The following RLBP1 variants were observed in gnomAD, a reference collection of about 807,000 sequenced individuals.
RLBP1 encodes retinaldehyde-binding protein 1.
Under a neutral mutation model 36.2 loss-of-function variants are expected in RLBP1, and 26 were observed. The observed-to-expected ratio is 0.72, with a 90% CI of 0.53 to 1.00. The LOEUF (loss-of-function observed/expected upper bound fraction) is 1.00, where lower values mean the gene tolerates loss of function less well. Ranked by LOEUF, RLBP1 falls within the 50% of genes least tolerant of loss-of-function variation. The probability of loss-of-function intolerance (pLI) is 0.00; values close to 1 mark genes in which losing one functional copy is unlikely to be tolerated. For missense variants in RLBP1, 410 were observed against 402.4 expected, an observed-to-expected ratio of 1.02 and a Z score of -0.16; for synonymous variants, 155 against 156.2, an observed-to-expected ratio of 0.99 and a Z score of 0.06.
At chr15:89,217,948 A>T (rs1334204999) in intron 4 of RLBP1, among the ~76,000 whole-genome samples, 2 of 152,178 alleles carry the variant, frequency 1.3e-5, no homozygotes, top group Admixed American at 6.5e-5. Flanking sequence ...GGGAAGGGAA[A>T]GGAGGGGGAG....
Position 89,210,626 on chromosome 15 carries a change from G to T in RLBP1, c.795+73C>A. ...CCACATAGCTCAGGACCATGGTAGA[G>T]TGTGAGGAGGGCTCAGGTGAGGCCC... On this transcript the variant is annotated intron_variant, in intron 8 of 8. Transcript: ENST00000268125. The surrounding 1 kb of genome is among the most constrained non-coding windows in gnomAD (Gnocchi z 4.7). The T allele has an allele frequency of 7.8e-7, 1 of 1,278,972 alleles. No homozygotes were observed. The highest frequency in any genetic ancestry group is 1.1e-6 in the Non-Finnish European group (1 of 896,336). 79.2% of individuals were successfully genotyped at this position (1,278,972 alleles called of 1,614,324 possible). A position where few individuals can be genotyped will look rare whatever the true frequency, so the allele number is the denominator to read the frequency against.
In RLBP1 at chr15:89,210,273, C is replaced by A; in HGVS notation, c.*12G>T. 1 of 1,613,800 alleles carries A rather than the reference C, an allele frequency of 6.2e-7. No homozygotes were observed. The highest frequency in any genetic ancestry group is 8.5e-7 in the Non-Finnish European group (1 of 1,180,000). On this transcript the variant is annotated 3_prime_UTR_variant, in exon 9 of 9. Coordinates refer to ENST00000268125, the MANE Select transcript of RLBP1 (RefSeq NM_000326.5). The surrounding 1 kb of genome is among the most constrained non-coding windows in gnomAD (Gnocchi z 4.7). Reference sequence around the variant, plus strand: ...GAGATTCTAACTACAGTTCAGCTGGCAGGAGATGTTTTCAGAAGGCTGTGT... The same window carrying A: ...GAGATTCTAACTACAGTTCAGCTGGAAGGAGATGTTTTCAGAAGGCTGTGT...
At position 89,215,118 on chromosome 15, in the gene RLBP1, C is replaced by T. The variant is rs770766081; in HGVS notation, c.467G>A (p.Arg156Gln). Reference sequence around the variant, plus strand: ...CTCAATGTTGAAGAGCATGACCACTCGGCCATACTTGTCCCGACTAGAGAG... The same window carrying T: ...CTCAATGTTGAAGAGCATGACCACTTGGCCATACTTGTCCCGACTAGAGAG... The part of the protein sequence containing the change: ...GVLSSRDKYG[R>Q]VVMLFNIENW... Residue 156 changes from arginine to glutamine, a missense_variant, in exon 6 of 9, where the codon CGA (arginine) becomes CAA (glutamine). Arg to Gln is a conservative substitution (Grantham distance 43). Coordinates refer to ENST00000268125, the MANE Select transcript of RLBP1 (RefSeq NM_000326.5). 15 of 1,614,104 alleles carry T rather than the reference C, an allele frequency of 9.3e-6. No individual in the cohort carries two copies. The highest frequency in any genetic ancestry group is 4.2e-6 in the Non-Finnish European group (5 of 1,180,040).
rs76261907 is a variant in RLBP1 at position 89,210,488 on chromosome 15, C to A, written c.796-45G>T. 3 of 1,609,794 alleles carry A rather than the reference C, an allele frequency of 1.9e-6. No individual in the cohort carries two copies. The highest frequency in any genetic ancestry group is 2.7e-5 in the African/African-American group (2 of 74,790). On this transcript the variant is annotated intron_variant, in intron 8 of 8. Coordinates refer to ENST00000268125, the MANE Select transcript of RLBP1 (RefSeq NM_000326.5). The surrounding 1 kb of genome is among the most constrained non-coding windows in gnomAD (Gnocchi z 4.7). ...ACAGAACTGAGCAGGAGGAGGTGCCCTAAGGATGAGGGTTGAGGGAGGAAA... is the reference window on the plus strand; with the variant it reads ...ACAGAACTGAGCAGGAGGAGGTGCCATAAGGATGAGGGTTGAGGGAGGAAA...
At chr15:89,217,094 G>T (rs1301556579) in intron 5 of RLBP1, 26 bp downstream of exon 5, 1 of 1,610,946 alleles carries the variant, frequency 6.2e-7, no homozygotes, top group African/African-American at 1.3e-5. Context: ...TCTTCCCAGG[G>T]CCGTCCCTCC....
chr15:89,219,542 GT>G (rs1204973854), intron 2 of RLBP1, 194 bp downstream of exon 2: 4 of 169,658 alleles, frequency 2.4e-5, no homozygotes, highest in Non-Finnish European at 5.2e-5. Flanking sequence ...GTGATGACCA[GT>G]TACATAAGTA....
intron 6 of RLBP1, among the ~76,000 whole-genome samples, chr15:89,212,642 A>G (rs1436222407): frequency 1.4e-5 from 2 of 143,766 alleles, no homozygotes; most frequent in Non-Finnish European, 3.1e-5. Context: ...GTGTGTGTGT[A>G]TGTGCGTGCA....
Position 89,211,833 on chromosome 15 carries a change from G to T in RLBP1, c.594C>A (p.Phe198Leu). 1 of 1,614,086 alleles carries T rather than the reference G, an allele frequency of 6.2e-7. No homozygotes were observed. Among genetic ancestry groups the T allele is most frequent in the Non-Finnish European group, 8.5e-7 (1 of 1,179,916 alleles). Residue 198 changes from phenylalanine (F) to leucine (L), a missense_variant, in exon 7 of 9, where the codon TTC (phenylalanine) becomes TTA (leucine). Transcript: ENST00000268125. The surrounding 1 kb of genome is among the most constrained non-coding windows in gnomAD (Gnocchi z 5.8). ...AGCCCTTGAAGTTCTCAATGATGCA[G>T]AAGCCATTGATTTGAGTTTCCTCAT... ...LENEETQING[F>L]CIIENFKGFT...
At position 89,215,250 on chromosome 15, in the gene RLBP1, A is replaced by G. The variant is rs766368124; in HGVS notation, c.347-12T>C. 12 of 1,614,010 alleles carry G rather than the reference A, an allele frequency of 7.4e-6. No homozygotes were observed. In the East Asian group the frequency reaches 2.5e-4, roughly 33 times the overall value. The stretch of plus-strand genomic sequence containing the variant: ...GAAATTCACATAGCCTGGAGGAAGG[A>G]GAGCAGAGGAACCCCCTCAGGGAGC... On this transcript the variant is annotated splice_polypyrimidine_tract_variant and intron_variant, in intron 5 of 8. Transcript: ENST00000268125.
rs1280471979 is a variant in RLBP1 at position 89,211,319 on chromosome 15, T to C, written c.684+424A>G. Reference sequence around the variant, plus strand: ...CATATAGGAGTGAGTTATCAGAGGGTTAGTGATAATCCCTTTCTCGGGGTG... The same window carrying C: ...CATATAGGAGTGAGTTATCAGAGGGCTAGTGATAATCCCTTTCTCGGGGTG... On this transcript the variant is annotated intron_variant, in intron 7 of 8. Transcript: ENST00000268125. This position sits in a 1 kb window ranked among gnomAD's most constrained non-coding sequence, Gnocchi z 5.8. Among the ~76,000 whole-genome samples the C allele has an allele frequency of 6.6e-6, 1 of 151,724 alleles. No individual in the cohort carries two copies. The highest frequency in any genetic ancestry group is 1.5e-5 in the Non-Finnish European group (1 of 67,952).
chr15:89,214,072 G>A lies in RLBP1; in HGVS notation c.525+988C>T, dbSNP rs111950008. ...GTCCAGAAATAGACCAAGCACATACGAAAATATAAAACATGATAAAGATGG... is the reference window on the plus strand; with the variant it reads ...GTCCAGAAATAGACCAAGCACATACAAAAATATAAAACATGATAAAGATGG... On this transcript the variant is annotated intron_variant, in intron 6 of 8. Coordinates refer to ENST00000268125, the MANE Select transcript of RLBP1 (RefSeq NM_000326.5). The surrounding 1 kb of genome is among the most constrained non-coding windows in gnomAD (Gnocchi z 4.6). Among the ~76,000 whole-genome samples, 1,350 of 152,188 alleles carry A rather than the reference G, an allele frequency of 8.9e-3. 7 individuals carry two copies. The highest frequency in any genetic ancestry group is 0.011 in the Non-Finnish European group (782 of 68,008).
intron 5 of RLBP1, 127 bp downstream of exon 5, chr15:89,216,993 T>C: frequency 1.1e-6 from 1 of 919,200 alleles, no homozygotes; most frequent in Non-Finnish European, 1.7e-6. Flanking sequence ...GGTAAGGATG[T>C]GGAGGCTCAG....
At chr15:89,217,554 T>G (rs976302030) in intron 4 of RLBP1, among the ~76,000 whole-genome samples, 7 of 152,170 alleles carry the variant, frequency 4.6e-5, no homozygotes, top group Non-Finnish European at 8.8e-5. Flanking sequence ...GTCTAAAAGT[T>G]TCTAAAAATG....
In RLBP1 at chr15:89,211,088, A is replaced by T. The variant is rs1166018142; in HGVS notation, c.685-279T>A. On this transcript the variant is annotated intron_variant, in intron 7 of 8. Coordinates refer to ENST00000268125, the MANE Select transcript of RLBP1 (RefSeq NM_000326.5). The surrounding 1 kb of genome is among the most constrained non-coding windows in gnomAD (Gnocchi z 5.8). ...ACTGGGAATTAGGAAAAGAAATGAA[A>T]GTAGCCTTGCTTGACCTTTTGGTGA... Among the ~76,000 whole-genome samples the T allele has an allele frequency of 1.3e-5, 2 of 152,214 alleles. No homozygotes were observed. The highest frequency in any genetic ancestry group is 2.9e-5 in the Non-Finnish European group (2 of 68,040).
Position 89,210,181 on chromosome 15 carries a change from G to C in RLBP1, c.*104C>G. Reference sequence around the variant, plus strand: ...TCACTCGGGCTTAGGGAGTCTAAGGGGGGACCACAGTCATCTCAAGCAGCC... The same window carrying C: ...TCACTCGGGCTTAGGGAGTCTAAGGCGGGACCACAGTCATCTCAAGCAGCC... On this transcript the variant is annotated 3_prime_UTR_variant, in exon 9 of 9. Coordinates refer to ENST00000268125, the MANE Select transcript of RLBP1 (RefSeq NM_000326.5). This position sits in a 1 kb window ranked among gnomAD's most constrained non-coding sequence, Gnocchi z 4.7. 7.3e-7 allele frequency: 1 copy of C among 1,372,508 alleles called. No homozygotes were observed. Among genetic ancestry groups the C allele is most frequent in the South Asian group, 1.2e-5 (1 of 85,648 alleles). 85.0% of individuals were successfully genotyped at this position (1,372,508 alleles called of 1,614,324 possible). A position where few individuals can be genotyped will look rare whatever the true frequency, so the allele number is the denominator to read the frequency against.
Position 89,210,363 on chromosome 15 carries a change from C to T in RLBP1, c.876G>A (p.Thr292=), listed in dbSNP as rs746516651. The stretch of plus-strand genomic sequence containing the variant: ...CGGCCTTGCCATCATACTTGGGCAG[C>T]GTGCCCCCGAAGTCAGAGGGCAGGA... ...ENILPSDFGG[T]LPKYDGKAVA... is the part of the protein sequence containing the mutation. The change falls in exon 9 of 9, where the codon ACG becomes ACA. Residue 292 remains threonine, a synonymous_variant. Transcript: ENST00000268125. The surrounding 1 kb of genome is among the most constrained non-coding windows in gnomAD (Gnocchi z 4.7). 28 of 1,614,078 alleles carry T rather than the reference C, an allele frequency of 1.7e-5. No homozygotes were observed. The highest frequency in any genetic ancestry group is 3.3e-5 in the Admixed American group (2 of 60,010).
At chr15:89,221,358 T>C (rs1183408800) in intron 1 of RLBP1, among the ~76,000 whole-genome samples, 177 bp downstream of exon 1, 2 of 152,244 alleles carry the variant, frequency 1.3e-5, no homozygotes, top group East Asian at 3.8e-4. Flanking sequence ...CACATTTAAC[T>C]GGGTGTCCTG....
rs569557408 is a variant in RLBP1, at chr15:89,220,202, C to G, written c.-223-343G>C. ...GCCAAGACATCTGAAGACAAACTCC[C>G]TAGGAGAGCTGGCGTCATAGAAACC... On this transcript the variant is annotated intron_variant, in intron 1 of 8. Transcript: ENST00000268125. Among the ~76,000 whole-genome samples the G allele has an allele frequency of 1.4e-4, 21 of 152,192 alleles. No individual in the cohort carries two copies. The South Asian group carries it at 3.1e-3, about 23-fold the overall frequency.
rs563749431 is a variant in RLBP1 at position 89,210,519 on chromosome 15, A to G, written c.796-76T>C. ...ATGAGGGTTGAGGGAGGAAAGGGGC[A>G]GGAGGACAAAGCCCCATCATGTGCA... On this transcript the variant is annotated intron_variant, in intron 8 of 8. Coordinates refer to ENST00000268125, the MANE Select transcript of RLBP1 (RefSeq NM_000326.5). This position sits in a 1 kb window ranked among gnomAD's most constrained non-coding sequence, Gnocchi z 4.7. The G allele has an allele frequency of 4.0e-6, 6 of 1,513,894 alleles. No homozygotes were observed. The highest frequency in any genetic ancestry group is 5.5e-6 in the Non-Finnish European group (6 of 1,091,738). The allele number at this position is 1,513,894 out of a possible 1,614,324, so 93.8% of individuals were successfully genotyped here. A position where few individuals can be genotyped will look rare whatever the true frequency, so the allele number is the denominator to read the frequency against.
Sources: allele counts gnomAD v4.1 joint callset (sites outside exome capture counted in the v4.1 genomes callset), GRCh38; gene constraint gnomAD v4.1.1; non-coding constraint Gnocchi (gnomAD v3.1); transcripts MANE v1.5; gene names NCBI Gene and HGNC (gene_info 2026-07-23, HGNC 2026-07-21).